PDE1C: variants seen among roughly 807,000 people sequenced by gnomAD.
The protein encoded by PDE1C is dual specificity calcium/calmodulin-dependent 3',5'-cyclic nucleotide phosphodiesterase 1C.
Under a neutral mutation model 93.1 loss-of-function variants are expected in PDE1C, and 62 were observed. The observed-to-expected ratio is 0.67, with a 90% CI of 0.54 to 0.82. The LOEUF (loss-of-function observed/expected upper bound fraction) is 0.82. Ranked by LOEUF, PDE1C falls within the 40% of genes least tolerant of loss-of-function variation. The pLI, the probability that PDE1C is intolerant of heterozygous loss-of-function variation, is 0.00. For missense variants in PDE1C, 742 were observed against 884.6 expected (o/e 0.84, Z 2.04); for synonymous variants, 325 against 310.1 (o/e 1.05, Z -0.50).
rs530281142 is a variant in PDE1C, at chr7:32,310,491, C to G, written c.311-100952G>C. ...ACCACATCTATTCCAAAATTGACCACATACTTGGAAGTAAAGCTCTCCTCA... is the reference window on the plus strand; with the variant it reads ...ACCACATCTATTCCAAAATTGACCAGATACTTGGAAGTAAAGCTCTCCTCA... On this transcript the variant is annotated intron_variant, in intron 1 of 1. Coordinates refer to the PDE1C transcript ENST00000672256. Among the ~76,000 whole-genome samples the G allele has an allele frequency of 6.3e-3, 954 of 152,232 alleles. 9 individuals carry two copies. Among genetic ancestry groups the G allele is most frequent in the Non-Finnish European group, 9.2e-3 (627 of 67,994 alleles).
At chr7:32,094,097 T>G (rs890243966) in intron 3 of PDE1C, among the ~76,000 whole-genome samples, 1 of 152,242 alleles carries the variant, frequency 6.6e-6, no homozygotes, top group Non-Finnish European at 1.5e-5. Flanking sequence ...GGTGTGCTGG[T>G]AAATGTCTAA....
At chr7:31,663,723 T>C in the PDE1C span, among the ~76,000 whole-genome samples, 6 of 152,224 alleles carry the variant, frequency 3.9e-5, no homozygotes, top group Non-Finnish European at 8.8e-5. Flanking sequence ...GCCAACCTAA[T>C]TGTATTTAAT....
At chr7:31,864,832 T>C (rs1795088777) in intron 7 of PDE1C, 110 bp downstream of exon 7, 2 of 1,037,870 alleles carry the variant, frequency 1.9e-6, no homozygotes, top group Admixed American at 2.0e-5. Context: ...AGGAAGTCCA[T>C]AAAACAATGC....
chr7:32,209,132 A>G (rs2240674), intron 2 of PDE1C, among the ~76,000 whole-genome samples: 93,909 of 152,104 alleles, frequency 0.62, 29,554 homozygotes, highest in African/African-American at 0.73. Flanking sequence ...ATCCCCTGTA[A>G]ATGTGTTAAA....
At chr7:32,065,583 CT>C (rs34581927) in intron 1 of PDE1C, among the ~76,000 whole-genome samples, 10,488 of 152,236 alleles carry the variant, frequency 0.069, 389 homozygotes, top group Non-Finnish European at 0.079. Context: ...ATCTTACCTA[CT>C]TTTGCAAACC....
intron 3 of PDE1C, among the ~76,000 whole-genome samples, chr7:32,134,633 T>C (rs7777263): frequency 6.6e-6 from 1 of 151,958 alleles, no homozygotes; most frequent in Non-Finnish European, 1.5e-5. Flanking sequence ...CTGGAAGCCA[T>C]CATCCTCAGC....
chr7:32,366,645 A>C (rs1343992758), intron 1 of PDE1C, among the ~76,000 whole-genome samples: 1 of 152,190 alleles, frequency 6.6e-6, no homozygotes, highest in Non-Finnish European at 1.5e-5. Context: ...AAATTCAAAC[A>C]AAGAATTTTA....
intron 3 of PDE1C, among the ~76,000 whole-genome samples, chr7:32,160,013 C>T (rs1374767937): frequency 2.6e-5 from 4 of 152,086 alleles, no homozygotes; most frequent in Admixed American, 6.6e-5. Flanking sequence ...AAGGCTGGAC[C>T]ATCTGATGCT....
intron 2 of PDE1C, among the ~76,000 whole-genome samples, chr7:31,981,083 C>G (rs1237955319): frequency 6.6e-6 from 1 of 152,176 alleles, no homozygotes; most frequent in African/African-American, 2.4e-5. Context: ...CATATTGACT[C>G]TTAAGGCTAT....
intron 3 of PDE1C, among the ~76,000 whole-genome samples, chr7:32,093,014 G>C (rs1287538871): frequency 6.6e-6 from 1 of 152,160 alleles, no homozygotes; most frequent in African/African-American, 2.4e-5. Context: ...CTGTCTGCTG[G>C]GGACTAAGAG....
chr7:31,737,538 A>T, the PDE1C span, among the ~76,000 whole-genome samples: 2 of 152,126 alleles, frequency 1.3e-5, no homozygotes, highest in Non-Finnish European at 2.9e-5. Flanking sequence ...GCAGTGGCTC[A>T]TGCCTGTAAT....
chr7:31,795,485 C>G (rs1187216573), intron 16 of PDE1C, among the ~76,000 whole-genome samples: 3 of 151,810 alleles, frequency 2.0e-5, no homozygotes, highest in Non-Finnish European at 4.4e-5. Context: ...CTCTGTCAAA[C>G]CAGATTCCTT....
chr7:31,745,428 G>A, the PDE1C span, among the ~76,000 whole-genome samples: 33 of 152,278 alleles, frequency 2.2e-4, no homozygotes, highest in African/African-American at 7.7e-4. Flanking sequence ...GATGGTCCCT[G>A]CTCTCCAGGA....
chr7:31,863,942 G>A (rs894479795), intron 7 of PDE1C, among the ~76,000 whole-genome samples: 37 of 152,104 alleles, frequency 2.4e-4, no homozygotes, highest in African/African-American at 8.7e-4. Context: ...TTAATTCAGT[G>A]AGATATTAGG....
intron 1 of PDE1C, among the ~76,000 whole-genome samples, chr7:32,291,241 A>G (rs1812313008): frequency 6.6e-6 from 1 of 152,204 alleles, no homozygotes; most frequent in Non-Finnish European, 1.5e-5. Flanking sequence ...CCAGAATCCA[A>G]CTCTTAACCT....
At chr7:32,065,740 A>C (rs116604678) in intron 1 of PDE1C, among the ~76,000 whole-genome samples, 2,531 of 152,344 alleles carry the variant, frequency 0.017, 94 homozygotes, top group African/African-American at 0.058. Flanking sequence ...AAGAAATTTA[A>C]AACCAAAGGT....
rs183832947 is a variant in PDE1C at position 32,033,143 on chromosome 7, T to C, written c.128+18411A>G. 6.4e-4 allele frequency among the ~76,000 whole-genome samples: 98 copies of C among 152,208 alleles called. No individual in the cohort carries two copies. In the Middle Eastern group the frequency reaches 0.01, roughly 16 times the overall value. On this transcript the variant is annotated intron_variant, in intron 2 of 17. Transcript: ENST00000396191. ...AAGGCAGAAGGGAAGGGGCAGACTC[T>C]CTCTTGATGGCATCCTAGCAGAATC...
downstream of PDE1C, among the ~76,000 whole-genome samples, chr7:31,750,755 G>A (rs377339194): frequency 5.3e-5 from 8 of 152,038 alleles, no homozygotes; most frequent in African/African-American, 1.2e-4. Context: ...TTTTTGAGAC[G>A]GAGTCTCGCT....
At position 31,878,983 on chromosome 7, in the gene PDE1C, A is replaced by G; in HGVS notation, c.425+13T>C. The G allele has an allele frequency of 6.2e-6, 10 of 1,607,310 alleles. No individual in the cohort carries two copies. Among genetic ancestry groups the G allele is most frequent in the Non-Finnish European group, 7.7e-6 (9 of 1,174,508 alleles). The stretch of plus-strand genomic sequence containing the variant: ...TGCTTTAGTCACTAAATGACAATGA[A>G]TGACATCTTTACCTCTCCACAAATA... On this transcript the variant is annotated intron_variant, in intron 4 of 17. Transcript: ENST00000396191.
Sources: gnomAD v4.1 joint callset for allele counts (sites outside exome capture counted in the v4.1 genomes callset) on GRCh38, gnomAD v4.1.1 for gene constraint, MANE v1.5 for transcripts, NCBI Gene and HGNC (gene_info 2026-07-23, HGNC 2026-07-21) for gene names.